Variants in GATA4 observed in about 807,000 individuals in gnomAD.
GATA4 encodes the protein transcription factor GATA-4.
In GATA4, 7 loss-of-function variants were observed where a neutral mutation model predicts 37.9. The observed-to-expected ratio is 0.18, with a 90% CI of 0.11 to 0.35. The LOEUF (loss-of-function observed/expected upper bound fraction) is 0.35, where lower values mean the gene tolerates loss of function less well. Among genes scored for constraint, GATA4 ranks in the 10% least tolerant of loss-of-function variants. The pLI is 1.00. For missense variants in GATA4, 647 were observed against 653.0 expected (o/e 0.99, Z 0.10); for synonymous variants, 372 against 292.6 (o/e 1.27, Z -2.77).
chr8:11,712,913 T>C (rs1057372441), intron 2 of GATA4, among the ~76,000 whole-genome samples: 16 of 152,302 alleles, frequency 1.1e-4, no homozygotes, highest in African/African-American at 3.1e-4. Context: ...TAATATGTTG[T>C]GTAGTACCAT....
upstream of GATA4, among the ~76,000 whole-genome samples, chr8:11,701,039 G>C (rs1026954278): frequency 6.6e-6 from 1 of 152,176 alleles, no homozygotes; most frequent in East Asian, 1.9e-4. Context: ...CCAGTGTTTA[G>C]ATTGCTCTGT....
At chr8:11,743,865 A>T (rs1171535669) in intron 2 of GATA4, among the ~76,000 whole-genome samples, 1 of 152,178 alleles carries the variant, frequency 6.6e-6, no homozygotes, top group African/African-American at 2.4e-5. Context: ...AAATCAGACT[A>T]TCAGACTTTG....
Position 11,681,485 on chromosome 8 carries a change from G to A in GATA4, c.-274+4422G>A, listed in dbSNP as rs574065261. 2.2e-5 allele frequency: 19 copies of A among 863,216 alleles called. No homozygotes were observed. In the East Asian group the frequency reaches 3.2e-3, roughly 146 times the overall value. 53.5% of individuals were successfully genotyped at this position (863,216 alleles called of 1,614,324 possible). A position where few individuals can be genotyped will look rare whatever the true frequency, so the allele number is the denominator to read the frequency against. ...GGGCCCGGTCCCCGCGCGGGGTGCGGCGCTCGCGGGGGGGGGGGGGGGGAT... is the reference window on the plus strand; with the variant it reads ...GGGCCCGGTCCCCGCGCGGGGTGCGACGCTCGCGGGGGGGGGGGGGGGGAT... On this transcript the variant is annotated intron_variant, in intron 1 of 6. Transcript: ENST00000528712.
At chr8:11,712,185 C>T (rs1201914085) in intron 2 of GATA4, among the ~76,000 whole-genome samples, 1 of 152,218 alleles carries the variant, frequency 6.6e-6, no homozygotes, top group Admixed American at 6.5e-5. Flanking sequence ...AATAGCCACT[C>T]ACTGTCATGT....
chr8:11,719,866 T>A (rs1800592095), intron 2 of GATA4, among the ~76,000 whole-genome samples: 1 of 152,224 alleles, frequency 6.6e-6, no homozygotes, highest in Non-Finnish European at 1.5e-5. Context: ...AAAACATATT[T>A]TTTAATCTTA....
At chr8:11,682,331 A>C (rs1289975626) in intron 1 of GATA4, among the ~76,000 whole-genome samples, 1 of 152,226 alleles carries the variant, frequency 6.6e-6, no homozygotes, top group Non-Finnish European at 1.5e-5. Context: ...TGCCTTGTTC[A>C]CTAGCTAAGA....
intron 3 of GATA4, 53 bp from the exon 4 acceptor site, chr8:11,750,058 G>C: frequency 6.2e-7 from 1 of 1,613,252 alleles, no homozygotes; most frequent in Non-Finnish European, 8.5e-7. Flanking sequence ...CGAGGTGGAA[G>C]GGCAGTGCAC....
At chr8:11,724,076 G>T (rs1417420987) in intron 2 of GATA4, among the ~76,000 whole-genome samples, 1 of 152,092 alleles carries the variant, frequency 6.6e-6, no homozygotes, top group Non-Finnish European at 1.5e-5. Flanking sequence ...CTTGTGACGG[G>T]CTCGTTTCCT....
At chr8:11,748,826 C>T in intron 2 of GATA4, 90 bp from the exon 3 acceptor site, 1 of 1,456,022 alleles carries the variant, frequency 6.9e-7, no homozygotes, top group Non-Finnish European at 9.6e-7. Flanking sequence ...GGCATTGTTT[C>T]TGTGCGCTCT....
intron 2 of GATA4, among the ~76,000 whole-genome samples, chr8:11,714,956 G>T (rs2130112190): frequency 6.6e-6 from 1 of 152,212 alleles, no homozygotes; most frequent in South Asian, 2.1e-4. Context: ...TTCACTTCTA[G>T]GGATTTGTTC....
chr8:11,680,746 C>A (rs1798939753), intron 1 of GATA4: 1 of 985,232 alleles, frequency 1.0e-6, no homozygotes, highest in Non-Finnish European at 1.2e-6. Context: ...CGAGGAGAGC[C>A]CGGCTTCTGC....
At chr8:11,692,925 G>A (rs1799368106) in intron 1 of GATA4, 2 of 984,552 alleles carry the variant, frequency 2.0e-6, no homozygotes, top group Non-Finnish European at 2.4e-6. Flanking sequence ...GTTCCGCGGC[G>A]GCCGTCAGCG....
In GATA4 at chr8:11,709,036, A is replaced by G. The variant is rs1800042397; in HGVS notation, c.616+108A>G. The G allele has an allele frequency of 2.6e-6, 3 of 1,163,180 alleles. No homozygotes were observed. Among genetic ancestry groups the G allele is most frequent in the Admixed American group, 6.3e-5 (2 of 31,870 alleles). 72.1% of individuals were successfully genotyped at this position (1,163,180 alleles called of 1,614,324 possible). On this transcript the variant is annotated intron_variant, in intron 2 of 6. Transcript: ENST00000532059. This position sits in a 1 kb window ranked among gnomAD's most constrained non-coding sequence, Gnocchi z 4.3. ...CACCAACGCCTTCGTTGGGCTGGGG[A>G]TGGTGCTTCACTACCTCGAGTTTCT...
chr8:11,736,431 G>C (rs985214672), intron 2 of GATA4, among the ~76,000 whole-genome samples: 5 of 152,218 alleles, frequency 3.3e-5, no homozygotes, highest in Non-Finnish European at 5.9e-5. Context: ...ACTTGCGTCT[G>C]GAATTGCCCC....
In GATA4 at chr8:11,736,449, G is replaced by A. The variant is rs543655874; in HGVS notation, c.617-12467G>A. Among the ~76,000 whole-genome samples the A allele has an allele frequency of 2.6e-5, 4 of 152,338 alleles. No homozygotes were observed. The South Asian group carries it at 8.3e-4, about 32-fold the overall frequency. On this transcript the variant is annotated intron_variant, in intron 2 of 6. Coordinates refer to ENST00000532059, the MANE Select transcript of GATA4 (RefSeq NM_001308093.3). ...TGCGTCTGGAATTGCCCCTGCCTCT[G>A]CCTTTAAGTCTGGTCTGCGTGGCTT...
Position 11,750,209 on chromosome 8 carries a change from C to T in GATA4, c.885C>T (p.Ala295=), listed in dbSNP as rs1298982206. The T allele has an allele frequency of 3.7e-6, 6 of 1,613,406 alleles. No homozygotes were observed. Among genetic ancestry groups the T allele is most frequent in the African/African-American group, 1.3e-5 (1 of 74,956 alleles). ...CGGAGGGCGAGCCTGTGTGCAATGC[C>T]TGCGGCCTCTACATGAAGCTCCACG... ...RNAEGEPVCN[A]CGLYMKLHGV... The change falls in exon 4 of 7, where the codon GCC becomes GCT. Residue 295 remains alanine, a synonymous_variant. Coordinates refer to ENST00000532059, the MANE Select transcript of GATA4 (RefSeq NM_001308093.3).
chr8:11,679,423 A>G (rs916996984), intron 1 of GATA4, among the ~76,000 whole-genome samples: 1 of 152,208 alleles, frequency 6.6e-6, no homozygotes, highest in African/African-American at 2.4e-5. Context: ...GGTCTGATAA[A>G]GCCCCGAAGC....
At chr8:11,755,170 T>A in intron 5 of GATA4, 37 bp downstream of exon 5, 1 of 1,527,642 alleles carries the variant, frequency 6.5e-7, no homozygotes, top group Middle Eastern at 1.7e-4. Context: ...TATGAGTACA[T>A]CAGGAGCCCT....
Position 11,709,044 on chromosome 8 carries a change from T to G in GATA4, c.616+116T>G, listed in dbSNP as rs1360468457. On this transcript the variant is annotated intron_variant, in intron 2 of 6. Coordinates refer to ENST00000532059, the MANE Select transcript of GATA4 (RefSeq NM_001308093.3). This position sits in a 1 kb window ranked among gnomAD's most constrained non-coding sequence, Gnocchi z 4.3. Reference sequence around the variant, plus strand: ...CCTTCGTTGGGCTGGGGATGGTGCTTCACTACCTCGAGTTTCTAGGGAAGG... The same window carrying G: ...CCTTCGTTGGGCTGGGGATGGTGCTGCACTACCTCGAGTTTCTAGGGAAGG... 2.8e-6 allele frequency: 3 copies of G among 1,072,642 alleles called. No individual in the cohort carries two copies. The highest frequency in any genetic ancestry group is 3.8e-6 in the Non-Finnish European group (3 of 795,602). 66.4% of individuals were successfully genotyped at this position (1,072,642 alleles called of 1,614,324 possible). A position where few individuals can be genotyped will look rare whatever the true frequency, so the allele number is the denominator to read the frequency against.
Sources: allele counts gnomAD v4.1 joint callset (sites outside exome capture counted in the v4.1 genomes callset), GRCh38; gene constraint gnomAD v4.1.1; non-coding constraint Gnocchi (gnomAD v3.1); transcripts MANE v1.5; gene names NCBI Gene and HGNC (gene_info 2026-07-23, HGNC 2026-07-21).